PON3: variants seen among roughly 807,000 people sequenced by gnomAD.
PON3 encodes paraoxonase 3.
Under a neutral mutation model 36.3 loss-of-function variants are expected in PON3, and 37 were observed. The ratio of observed to expected loss-of-function variants is 1.02; its 90% CI spans 0.78 to 1.34. PON3 has a LOEUF of 1.34. Ranked by LOEUF, PON3 falls within the 40% of genes most tolerant of loss-of-function variation. PON3 has a pLI of 0.00. For missense variants in PON3, 415 were observed against 426.5 expected (o/e 0.97, Z 0.24); for synonymous variants, 155 against 154.8 (o/e 1.00, Z -0.01).
chr7:95,381,023 C>T (rs962862043), intron 3 of PON3, among the ~76,000 whole-genome samples: 6 of 152,176 alleles, frequency 3.9e-5, no homozygotes, highest in African/African-American at 9.7e-5. Flanking sequence ...ACTCTACAAG[C>T]CAGAAGAGGG....
At chr7:95,392,820 A>G (rs1165729908) in intron 2 of PON3, among the ~76,000 whole-genome samples, 1 of 152,170 alleles carries the variant, frequency 6.6e-6, no homozygotes, top group Non-Finnish European at 1.5e-5. Context: ...CAAGGTCTTT[A>G]CCTTAGCTGG....
intron 3 of PON3, among the ~76,000 whole-genome samples, chr7:95,389,418 C>T (rs1346868258): frequency 6.6e-6 from 1 of 152,074 alleles, no homozygotes; most frequent in Non-Finnish European, 1.5e-5. Context: ...ACATCCAATT[C>T]CAGCAATCAG....
In PON3 at chr7:95,362,710, G is replaced by A. The variant is rs779704583; in HGVS notation, c.777+50C>T. On this transcript the variant is annotated intron_variant, in intron 7 of 8. Transcript: ENST00000265627. ...AGGGGCACATTCCTGGGTCAAGTAT[G>A]GGACTAAGGTAAGAAGTCAGATTGT... The A allele has an allele frequency of 6.0e-6, 9 of 1,488,714 alleles. No homozygotes were observed. The East Asian group carries it at 1.6e-4, about 26-fold the overall frequency. 92.2% of individuals were successfully genotyped at this position (1,488,714 alleles called of 1,614,324 possible). A position where few individuals can be genotyped will look rare whatever the true frequency, so the allele number is the denominator to read the frequency against.
intron 3 of PON3, among the ~76,000 whole-genome samples, chr7:95,380,413 G>A (rs1272797299): frequency 6.6e-6 from 1 of 152,190 alleles, no homozygotes; most frequent in Non-Finnish European, 1.5e-5. Context: ...TGAGCTAAAG[G>A]AGGAAGTTCA....
chr7:95,374,553 T>C (rs1808873856), intron 3 of PON3, among the ~76,000 whole-genome samples: 1 of 152,148 alleles, frequency 6.6e-6, no homozygotes, highest in Non-Finnish European at 1.5e-5. Flanking sequence ...TATATGCATT[T>C]ATCTCTCTTC....
intron 4 of PON3, among the ~76,000 whole-genome samples, chr7:95,370,318 T>A (rs1428569923): frequency 6.6e-6 from 1 of 152,118 alleles, no homozygotes; most frequent in African/African-American, 2.4e-5. Context: ...GAACTGCTGG[T>A]AGCAGTGAGG....
chr7:95,371,626 C>T (rs1175867091), intron 4 of PON3, among the ~76,000 whole-genome samples: 1 of 151,982 alleles, frequency 6.6e-6, no homozygotes. Flanking sequence ...ATACTTTGTC[C>T]ATTTTTAAAT....
chr7:95,366,170 G>C (rs986987486), intron 5 of PON3, among the ~76,000 whole-genome samples: 3 of 152,234 alleles, frequency 2.0e-5, no homozygotes, highest in Non-Finnish European at 4.4e-5. Context: ...GTGCCCTCAG[G>C]CTGCACTTTC....
intron 3 of PON3, among the ~76,000 whole-genome samples, chr7:95,388,022 T>A (rs888476979): frequency 6.6e-6 from 1 of 151,894 alleles, no homozygotes; most frequent in Non-Finnish European, 1.5e-5. Context: ...CCTAAAACCA[T>A]AAAAACCCTA....
chr7:95,393,293 T>C (rs1334970388), intron 2 of PON3, among the ~76,000 whole-genome samples: 1 of 152,196 alleles, frequency 6.6e-6, no homozygotes, highest in Non-Finnish European at 1.5e-5. Context: ...AGAACACTGC[T>C]AGCTATAATA....
intron 3 of PON3, among the ~76,000 whole-genome samples, chr7:95,380,865 T>C (rs200415027): frequency 1.4e-4 from 22 of 152,132 alleles, no homozygotes; most frequent in South Asian, 6.2e-4. Flanking sequence ...CACAAAGATA[T>C]TCCTCGAGAA....
chr7:95,396,259 T>C lies in PON3; in HGVS notation c.74+18A>G. 1.2e-6 allele frequency: 2 copies of C among 1,613,416 alleles called. No homozygotes were observed. Among genetic ancestry groups the C allele is most frequent in the Non-Finnish European group, 1.7e-6 (2 of 1,179,488 alleles). ...GAGAGAAAGAGAGTCGAAGACGCCC[T>C]GTCAAGATGCCACTCACCTAAACGC... On this transcript the variant is annotated intron_variant, in intron 1 of 8. Coordinates refer to ENST00000265627, the MANE Select transcript of PON3 (RefSeq NM_000940.3).
chr7:95,367,332 A>G (rs1413672629), intron 5 of PON3, 30 bp downstream of exon 5: 1 of 1,607,868 alleles, frequency 6.2e-7, no homozygotes, highest in Non-Finnish European at 8.5e-7. Flanking sequence ...TGCAAAGTAA[A>G]TAGAACCGCA....
intron 3 of PON3, among the ~76,000 whole-genome samples, chr7:95,372,897 C>A (rs1808840711): frequency 1.3e-5 from 2 of 152,134 alleles, no homozygotes; most frequent in Non-Finnish European, 2.9e-5. Flanking sequence ...CTATTTTGTT[C>A]CTATAGGTAT....
rs768115666 is a variant in PON3 at position 95,367,535 on chromosome 7, A to T, written c.368-47T>A. The T allele has an allele frequency of 4.4e-6, 7 of 1,596,814 alleles. No homozygotes were observed. The South Asian group carries it at 7.7e-5, about 18-fold the overall frequency. Reference sequence around the variant, plus strand: ...TTTCCAAGAAAGTTACCCCTATCACAACTAATATTAGACTTGTTTTAAAAC... The same window carrying T: ...TTTCCAAGAAAGTTACCCCTATCACTACTAATATTAGACTTGTTTTAAAAC... On this transcript the variant is annotated intron_variant, in intron 4 of 8. Coordinates refer to ENST00000265627, the MANE Select transcript of PON3 (RefSeq NM_000940.3).
Position 95,392,057 on chromosome 7 carries a change from T to C in PON3, c.146-1848A>G, listed in dbSNP as rs576334947. Among the ~76,000 whole-genome samples, 9 of 152,346 alleles carry C rather than the reference T, an allele frequency of 5.9e-5. No homozygotes were observed. The South Asian group carries it at 1.7e-3, about 28-fold the overall frequency. The stretch of plus-strand genomic sequence containing the variant: ...AATTTCCTAATCTGCAAAGCATAGA[T>C]AGCAGCATCCACTTTACAAATTGGT... On this transcript the variant is annotated intron_variant, in intron 2 of 8. Transcript: ENST00000265627.
At chr7:95,391,639 T>G (rs960248250) in intron 2 of PON3, among the ~76,000 whole-genome samples, 1 of 152,206 alleles carries the variant, frequency 6.6e-6, no homozygotes, top group African/African-American at 2.4e-5. Context: ...CAAATAAGAA[T>G]TTTTCTCCAG....
rs775732908 is a variant in PON3, at chr7:95,362,383, AG to A, written c.884del (p.Pro295LeufsTer22). On this transcript the variant is annotated frameshift_variant, in exon 8 of 9. Coordinates refer to ENST00000265627, the MANE Select transcript of PON3 (RefSeq NM_000940.3). LOFTEE classifies it high-confidence loss of function. ...TTACTTCTGATCCTGGAGGGTCCTC[AG>A]GGTTATAGTTCAGTAGCTTCATAGG... ...PNPMKLLNYN[P>X]EDPPGSEVLR... 1.9e-6 allele frequency: 3 copies of A among 1,613,776 alleles called. No individual in the cohort carries two copies. Among genetic ancestry groups the A allele is most frequent in the Non-Finnish European group, 1.7e-6 (2 of 1,179,742 alleles).
Position 95,372,333 on chromosome 7 carries a change from T to C in PON3, c.207A>G (p.Leu69=). The C allele has an allele frequency of 6.2e-7, 1 of 1,613,740 alleles. No homozygotes were observed. Among genetic ancestry groups the C allele is most frequent in the Non-Finnish European group, 8.5e-7 (1 of 1,179,786 alleles). ...PSGLAFISSG[L]KYPGMPNFAP... Reference sequence around the variant, plus strand: ...CAAAGTTTGGCATGCCTGGATATTTTAATCCCTTTTAAAAATAAAGAACAA... The same window carrying C: ...CAAAGTTTGGCATGCCTGGATATTTCAATCCCTTTTAAAAATAAAGAACAA... The change falls in exon 4 of 9, where the codon TTA becomes TTG. Residue 69 remains leucine (L), a synonymous_variant. Transcript: ENST00000265627.
Sources: gnomAD v4.1 joint callset for allele counts (sites outside exome capture counted in the v4.1 genomes callset) on GRCh38, gnomAD v4.1.1 for gene constraint, MANE v1.5 for transcripts, NCBI Gene and HGNC (gene_info 2026-07-23, HGNC 2026-07-21) for gene names.